The following CNTNAP2 variants were observed in gnomAD, a reference collection of about 807,000 sequenced individuals.
The protein encoded by CNTNAP2 is contactin associated protein 2.
In CNTNAP2, 98 loss-of-function variants were observed where a neutral mutation model predicts 155.2. The ratio of observed to expected loss-of-function variants is 0.63; its 90% CI spans 0.54 to 0.75. CNTNAP2 has a LOEUF of 0.75. CNTNAP2 is among the 30% of genes least tolerant of loss of function. The pLI is 0.00. For missense variants in CNTNAP2, 1,727 were observed against 1,688.1 expected (o/e 1.02, Z -0.40); for synonymous variants, 651 against 631.2 (o/e 1.03, Z -0.47).
At chr7:147,587,958 A>G (rs1800662910) in intron 12 of CNTNAP2, among the ~76,000 whole-genome samples, 1 of 152,128 alleles carries the variant, frequency 6.6e-6, no homozygotes, top group Non-Finnish European at 1.5e-5. Context: ...GGACAAATAA[A>G]TTTGCTTTCC....
intron 4 of CNTNAP2, among the ~76,000 whole-genome samples, chr7:147,076,093 C>T (rs1343613508): frequency 6.6e-6 from 1 of 151,884 alleles, no homozygotes; most frequent in South Asian, 2.1e-4. Context: ...AGTAAACATA[C>T]GTGTGCAAGT....
At chr7:146,593,657 C>G (rs1798816079) in intron 1 of CNTNAP2, among the ~76,000 whole-genome samples, 1 of 152,078 alleles carries the variant, frequency 6.6e-6, no homozygotes, top group African/African-American at 2.4e-5. Context: ...TGGTACCTCT[C>G]TATTAATGCT....
intron 3 of CNTNAP2, among the ~76,000 whole-genome samples, chr7:146,959,081 G>A (rs1164083529): frequency 6.6e-6 from 1 of 151,508 alleles, no homozygotes; most frequent in South Asian, 2.1e-4. Flanking sequence ...GTGCAGTGGC[G>A]CCATCTCGGC....
At chr7:146,871,028 G>A (rs551056617) in intron 3 of CNTNAP2, among the ~76,000 whole-genome samples, 48 of 152,158 alleles carry the variant, frequency 3.2e-4, no homozygotes, top group African/African-American at 7.9e-4. Context: ...ACAAATAGAT[G>A]GACTCATTTA....
At chr7:146,669,190 A>C (rs1265407900) in intron 1 of CNTNAP2, among the ~76,000 whole-genome samples, 2 of 152,190 alleles carry the variant, frequency 1.3e-5, no homozygotes, top group African/African-American at 4.8e-5. Flanking sequence ...TTGACTGCAC[A>C]GTGGCTTTGT....
At chr7:146,864,234 T>C (rs1457882140) in intron 3 of CNTNAP2, among the ~76,000 whole-genome samples, 1 of 152,108 alleles carries the variant, frequency 6.6e-6, no homozygotes, top group African/African-American at 2.4e-5. Flanking sequence ...AATCCAATAA[T>C]TTTTATATAA....
At chr7:147,278,622 A>G (rs957578177) in intron 8 of CNTNAP2, among the ~76,000 whole-genome samples, 2 of 151,734 alleles carry the variant, frequency 1.3e-5, no homozygotes, top group African/African-American at 4.8e-5. Flanking sequence ...GCACATTTTT[A>G]AAAGATTCAC....
chr7:146,999,671 G>GT (rs149036985), intron 3 of CNTNAP2, among the ~76,000 whole-genome samples: 11,816 of 151,952 alleles, frequency 0.078, 690 homozygotes, highest in East Asian at 0.27. Flanking sequence ...TTTGTTGACA[G>GT]TTTTTTCCCC....
chr7:146,758,376 G>A (rs1802028294), intron 1 of CNTNAP2, among the ~76,000 whole-genome samples: 1 of 152,166 alleles, frequency 6.6e-6, no homozygotes, highest in Non-Finnish European at 1.5e-5. Context: ...ACATGGAAGA[G>A]GTTATCCCAG....
At chr7:146,326,030 A>T (rs1459217085) in intron 1 of CNTNAP2, among the ~76,000 whole-genome samples, 1 of 152,220 alleles carries the variant, frequency 6.6e-6, no homozygotes, top group Non-Finnish European at 1.5e-5. Flanking sequence ...TCTAACTAAC[A>T]GTATTAAGAT....
At position 147,225,862 on chromosome 7, in the gene CNTNAP2, AGAAGGAAGGAGGGAAAGAAG is replaced by A. The variant is rs1309587107; in HGVS notation, c.1349-74268_1349-74249del. Among the ~76,000 whole-genome samples, 211 of 132,464 alleles carry A rather than the reference AGAAGGAAGGAGGGAAAGAAG, an allele frequency of 1.6e-3. 1 individual carries two copies. Among genetic ancestry groups the A allele is most frequent in the African/African-American group, 4.6e-3 (167 of 36,252 alleles). 86.9% of individuals were successfully genotyped at this position (132,464 alleles called of 152,430 possible). On this transcript the variant is annotated intron_variant, in intron 8 of 23. Transcript: ENST00000361727. Reference sequence around the variant, plus strand: ...AGGAGGGAAAGAAGGAAGGAGGGAAAGAAGGAAGGAGGGAAAGAAGGAAGGAAGGAAGGAAGGAAGGAAAG... The same window carrying A: ...AGGAGGGAAAGAAGGAAGGAGGGAAAGAAGGAAGGAAGGAAGGAAGGAAAG...
chr7:147,076,241 C>T (rs995693005), intron 4 of CNTNAP2, among the ~76,000 whole-genome samples: 4 of 152,180 alleles, frequency 2.6e-5, no homozygotes, highest in African/African-American at 7.2e-5. Context: ...AGTTTACAGT[C>T]CCACCAACAG....
At chr7:147,295,518 G>A (rs774347975) in intron 8 of CNTNAP2, among the ~76,000 whole-genome samples, 1 of 152,048 alleles carries the variant, frequency 6.6e-6, no homozygotes, top group Non-Finnish European at 1.5e-5. Context: ...AAAAAATTTT[G>A]TGAGGTATTA....
chr7:148,386,932 T>G (rs967907005), intron 22 of CNTNAP2, among the ~76,000 whole-genome samples: 3 of 152,324 alleles, frequency 2.0e-5, no homozygotes, highest in Non-Finnish European at 2.9e-5. Context: ...GATGGATTTC[T>G]AGAAGAACAA....
intron 4 of CNTNAP2, among the ~76,000 whole-genome samples, chr7:147,091,968 T>C (rs1470028935): frequency 6.6e-6 from 1 of 151,928 alleles, no homozygotes; most frequent in South Asian, 2.1e-4. Flanking sequence ...GTCGATCTCC[T>C]GACCTCGTGA....
intron 1 of CNTNAP2, among the ~76,000 whole-genome samples, chr7:146,225,693 T>C (rs938908186): frequency 6.6e-6 from 1 of 152,218 alleles, no homozygotes; most frequent in Admixed American, 6.5e-5. Context: ...ACCCTGTTAT[T>C]GTACTAACCT....
chr7:146,709,677 G>A lies in CNTNAP2; in HGVS notation c.98-64594G>A, dbSNP rs1290718296. ...GCAGTCTGGATGTCTCCAGCTTGTGGTTTCAGCTTCTACTTCTCAAGTAGA... is the reference window on the plus strand; with the variant it reads ...GCAGTCTGGATGTCTCCAGCTTGTGATTTCAGCTTCTACTTCTCAAGTAGA... On this transcript the variant is annotated intron_variant, in intron 1 of 23. Transcript: ENST00000361727. Among the ~76,000 whole-genome samples, 8 of 152,218 alleles carry A rather than the reference G, an allele frequency of 5.3e-5. No individual in the cohort carries two copies. The South Asian group carries it at 1.7e-3, about 32-fold the overall frequency.
chr7:146,323,228 C>A (rs1312404393), intron 1 of CNTNAP2, among the ~76,000 whole-genome samples: 1 of 152,106 alleles, frequency 6.6e-6, no homozygotes, highest in African/African-American at 2.4e-5. Context: ...AAGGTATTTT[C>A]TTGAGAATGT....
At chr7:146,668,758 C>T (rs1263041779) in intron 1 of CNTNAP2, among the ~76,000 whole-genome samples, 1 of 152,028 alleles carries the variant, frequency 6.6e-6, no homozygotes, top group Non-Finnish European at 1.5e-5. Flanking sequence ...TATCCACATC[C>T]TCTAGGTTTT....
Sources: gnomAD v4.1 joint callset for allele counts (sites outside exome capture counted in the v4.1 genomes callset) on GRCh38, gnomAD v4.1.1 for gene constraint, MANE v1.5 for transcripts, NCBI Gene and HGNC (gene_info 2026-07-23, HGNC 2026-07-21) for gene names.